The following CAPN8 variants were observed in gnomAD, a reference collection of about 807,000 sequenced individuals.
CAPN8 encodes calpain 8.
CAPN8 carries 87 observed loss-of-function variants against 80.9 expected under a neutral mutation model. That is an observed-to-expected ratio of 1.07 (90% CI 0.90 to 1.28). The LOEUF (loss-of-function observed/expected upper bound fraction) is 1.28. Ranked by LOEUF, CAPN8 falls within the 50% of genes most tolerant of loss-of-function variation. The probability of loss-of-function intolerance (pLI) is 0.00; values close to 1 mark genes in which losing one functional copy is unlikely to be tolerated. For missense variants in CAPN8, 757 were observed against 702.0 expected, an observed-to-expected ratio of 1.08 and a Z score of -0.89; for synonymous variants, 299 against 273.8, an observed-to-expected ratio of 1.09 and a Z score of -0.91.
intron 20 of CAPN8, among the ~76,000 whole-genome samples, chr1:223,542,195 G>GTA (rs72247791): frequency 7.9e-5 from 12 of 151,356 alleles, no homozygotes; most frequent in African/African-American, 2.4e-4. Context: ...ATATGTGTGT[G>GTA]TATATATATA....
intron 2 of CAPN8, among the ~76,000 whole-genome samples, chr1:223,645,157 T>C (rs144252520): frequency 1.4e-4 from 21 of 152,166 alleles, no homozygotes; most frequent in African/African-American, 5.1e-4. Context: ...GAACTTGGTG[T>C]CTGATGTTCA....
intron 16 of CAPN8, among the ~76,000 whole-genome samples, chr1:223,549,028 C>T (rs1470180051): frequency 6.6e-6 from 1 of 151,744 alleles, no homozygotes; most frequent in Non-Finnish European, 1.5e-5. Flanking sequence ...GCAAATGCCC[C>T]ATGCTTGCTA....
At chr1:223,646,600 C>T (rs543250655) in intron 2 of CAPN8, among the ~76,000 whole-genome samples, 15 of 152,330 alleles carry the variant, frequency 9.8e-5, no homozygotes, top group African/African-American at 2.4e-4. Context: ...CTTGAGCAAC[C>T]GCGTTGTCTT....
intron 1 of CAPN8, among the ~76,000 whole-genome samples, chr1:223,660,884 G>C (rs557447384): frequency 4.3e-4 from 65 of 152,280 alleles, no homozygotes; most frequent in South Asian, 2.1e-4. Flanking sequence ...ATGGGCAAAG[G>C]GGCTGGGCAC....
At position 223,541,803 on chromosome 1, in the gene CAPN8, G is replaced by A. The variant is rs377481810; in HGVS notation, c.*33C>T. On this transcript the variant is annotated 3_prime_UTR_variant, in exon 21 of 21. Transcript: ENST00000366872. ...GGGGTGACAAGAAGCAAGCAGTGGG[G>A]CAGGGAGTGTCACTGATGTCCGAAA... The A allele has an allele frequency of 1.3e-6, 2 of 1,551,368 alleles. No individual in the cohort carries two copies. The highest frequency in any genetic ancestry group is 1.7e-6 in the Non-Finnish European group (2 of 1,146,942).
intron 1 of CAPN8, among the ~76,000 whole-genome samples, chr1:223,664,481 C>A (rs1658734286): frequency 6.6e-6 from 1 of 152,162 alleles, no homozygotes; most frequent in Non-Finnish European, 1.5e-5. Flanking sequence ...CTCATACCAA[C>A]CCTGAAAAAT....
intron 7 of CAPN8, among the ~76,000 whole-genome samples, chr1:223,621,769 C>T (rs952352753): frequency 2.0e-5 from 3 of 151,982 alleles, no homozygotes; most frequent in Non-Finnish European, 4.4e-5. Context: ...CACAGAGTAC[C>T]GACAGCACTT....
chr1:223,660,298 A>T (rs1392227654), intron 1 of CAPN8, among the ~76,000 whole-genome samples: 1 of 152,210 alleles, frequency 6.6e-6, no homozygotes, highest in Non-Finnish European at 1.5e-5. Flanking sequence ...CATGCTGGGC[A>T]TTCCTCAAAC....
intron 1 of CAPN8, among the ~76,000 whole-genome samples, chr1:223,662,200 C>A (rs1018414258): frequency 6.6e-6 from 1 of 152,154 alleles, no homozygotes; most frequent in Non-Finnish European, 1.5e-5. Flanking sequence ...GTAATCCCAG[C>A]ACTTTGGGAG....
At chr1:223,616,586 T>C (rs1008680249) in intron 9 of CAPN8, among the ~76,000 whole-genome samples, 1 of 152,144 alleles carries the variant, frequency 6.6e-6, no homozygotes, top group Non-Finnish European at 1.5e-5. Flanking sequence ...CCCAGGACAG[T>C]AGAGGAGAAA....
chr1:223,650,606 C>T (rs1377656973), intron 2 of CAPN8, among the ~76,000 whole-genome samples: 2 of 152,102 alleles, frequency 1.3e-5, no homozygotes, highest in African/African-American at 4.8e-5. Context: ...CCTGTAGATA[C>T]CAACAGAGAA....
intron 2 of CAPN8, among the ~76,000 whole-genome samples, chr1:223,629,197 A>AGAGTGTGTGT (rs373877760): frequency 1.0e-5 from 1 of 95,240 alleles, no homozygotes; most frequent in Non-Finnish European, 2.4e-5. Flanking sequence ...TACGTGTAAG[A>AGAGTGTGTGT]GTGTGTGTGT....
In CAPN8 at chr1:223,628,232, C is replaced by A. The variant is rs183144477; in HGVS notation, c.427-90G>T. On this transcript the variant is annotated intron_variant, in intron 3 of 20. Coordinates refer to ENST00000366872, the MANE Select transcript of CAPN8 (RefSeq NM_001143962.2). ...GGGGACCTCACGTGGGGACTCTGTG[C>A]CATCAGTGTTCGAGTCTTGGCTCCT... is the stretch of plus-strand genomic sequence containing the variant. 3,544 of 1,399,654 alleles carry A rather than the reference C, an allele frequency of 2.5e-3. 12 individuals carry two copies. Among genetic ancestry groups the A allele is most frequent in the Non-Finnish European group, 2.8e-3 (2,952 of 1,054,136 alleles). 86.7% of individuals were successfully genotyped at this position (1,399,654 alleles called of 1,614,324 possible).
At chr1:223,553,248 C>A (rs899327586) in intron 14 of CAPN8, among the ~76,000 whole-genome samples, 3 of 152,180 alleles carry the variant, frequency 2.0e-5, no homozygotes, top group African/African-American at 7.2e-5. Context: ...CCAAAGTGAA[C>A]GGAAGCCAGG....
intron 14 of CAPN8, among the ~76,000 whole-genome samples, chr1:223,553,521 G>A (rs1656846893): frequency 6.6e-6 from 1 of 152,124 alleles, no homozygotes; most frequent in South Asian, 2.1e-4. Flanking sequence ...TTTATTCAGA[G>A]ACCCCAATCT....
At chr1:223,629,631 T>C (rs1367742805) in intron 2 of CAPN8, among the ~76,000 whole-genome samples, 1 of 152,218 alleles carries the variant, frequency 6.6e-6, no homozygotes, top group Non-Finnish European at 1.5e-5. Context: ...TAGCATCCTA[T>C]GGCGAATCTA....
chr1:223,660,377 C>A (rs185221688), intron 1 of CAPN8, among the ~76,000 whole-genome samples: 12 of 152,162 alleles, frequency 7.9e-5, no homozygotes, highest in Non-Finnish European at 1.5e-4. Flanking sequence ...CAAAAATCTA[C>A]CTGCTAAGAA....
intron 7 of CAPN8, 42 bp from the exon 8 acceptor site, chr1:223,620,308 C>T (rs1479913785): frequency 6.6e-7 from 1 of 1,525,100 alleles, no homozygotes; most frequent in South Asian, 1.2e-5. Flanking sequence ...CTGAGAGGTT[C>T]TACAAGCAGG....
Position 223,628,138 on chromosome 1 carries a change from C to T in CAPN8, c.431G>A (p.Trp144Ter). The T allele has an allele frequency of 6.5e-7, 1 of 1,545,510 alleles. No individual in the cohort carries two copies. Among genetic ancestry groups the T allele is most frequent in the Non-Finnish European group, 8.7e-7 (1 of 1,143,882 alleles). Residue 144 changes from tryptophan (W) to a stop codon, truncating the protein, a stop_gained, in exon 4 of 21, where the codon TGG becomes TAG. Transcript: ENST00000366872. LOFTEE classifies it high-confidence loss of function. ...NYAGIFHFQF[W>*]QYGEWVEVVI... ...CACCTCCACCCACTCTCCGTACTGCCAGAACTGGGGAGGGGGGACACAGCG... is the reference window on the plus strand; with the variant it reads ...CACCTCCACCCACTCTCCGTACTGCTAGAACTGGGGAGGGGGGACACAGCG...
Sources: gnomAD v4.1 joint callset for allele counts (sites outside exome capture counted in the v4.1 genomes callset) on GRCh38, gnomAD v4.1.1 for gene constraint, MANE v1.5 for transcripts, NCBI Gene and HGNC (gene_info 2026-07-23, HGNC 2026-07-21) for gene names.